ROBO1: variants seen among roughly 807,000 people sequenced by gnomAD.
The protein encoded by ROBO1 is roundabout homolog 1.
ROBO1 carries 149 observed loss-of-function variants against 195.9 expected under a neutral mutation model. That is an observed-to-expected ratio of 0.76 (90% CI 0.67 to 0.87). The LOEUF (loss-of-function observed/expected upper bound fraction) is 0.87, where lower values mean the gene tolerates loss of function less well. Among genes scored for constraint, ROBO1 ranks in the 40% least tolerant of loss-of-function variants. The pLI is 0.00. For missense variants in ROBO1, 1,933 were observed against 2,068.3 expected (o/e 0.93, Z 1.27); for synonymous variants, 816 against 733.2 (o/e 1.11, Z -1.82).
chr3:79,189,622 A>T (rs77425010), intron 2 of ROBO1, among the ~76,000 whole-genome samples: 2,220 of 151,844 alleles, frequency 0.015, 29 homozygotes, highest in Non-Finnish European at 0.023. Flanking sequence ...ATAAATCTGT[A>T]CTTTTGGTGT....
chr3:79,303,275 T>G lies in ROBO1; in HGVS notation c.89-177736A>C, dbSNP rs1375241585. ...TCCACCTCCTGGGTTCAAGTGATTC[T>G]CCTGCCTCAGCCTCCCAAGTAGCTA... On this transcript the variant is annotated intron_variant, in intron 2 of 30. Transcript: ENST00000464233. 2.7e-5 allele frequency among the ~76,000 whole-genome samples: 4 copies of G among 149,804 alleles called. No individual in the cohort carries two copies. In the East Asian group the frequency reaches 8.3e-4, roughly 31 times the overall value.
intron 8 of ROBO1, among the ~76,000 whole-genome samples, chr3:78,700,921 A>G (rs972429484): frequency 6.6e-5 from 10 of 151,808 alleles, no homozygotes; most frequent in Admixed American, 5.3e-4. Context: ...ACGCCACCAC[A>G]TCTGTCTAAT....
intron 27 of ROBO1, among the ~76,000 whole-genome samples, chr3:78,615,322 A>T (rs1429363645): frequency 6.6e-6 from 1 of 152,172 alleles, no homozygotes; most frequent in Non-Finnish European, 1.5e-5. Context: ...AGGTGGTCTG[A>T]AATTGATCTA....
chr3:79,133,942 C>T (rs1576716354), intron 2 of ROBO1, among the ~76,000 whole-genome samples: 1 of 151,980 alleles, frequency 6.6e-6, no homozygotes, highest in East Asian at 1.9e-4. Flanking sequence ...AATACCCTGC[C>T]GTGTGAGGTG....
At chr3:79,292,164 T>G (rs371519052) in intron 2 of ROBO1, among the ~76,000 whole-genome samples, 3 of 152,184 alleles carry the variant, frequency 2.0e-5, no homozygotes, top group African/African-American at 7.2e-5. Context: ...CACTCATGAT[T>G]TGGTTCTCTG....
chr3:79,164,060 G>A (rs115138206), intron 2 of ROBO1, among the ~76,000 whole-genome samples: 18 of 152,246 alleles, frequency 1.2e-4, no homozygotes, highest in Non-Finnish European at 2.4e-4. Flanking sequence ...GGAGATCACA[G>A]TGAAATCCTC....
At chr3:78,811,973 AGTAGGAACTATTTAATGTTACG>A (rs2084756720) in intron 4 of ROBO1, among the ~76,000 whole-genome samples, 1 of 152,102 alleles carries the variant, frequency 6.6e-6, no homozygotes. Context: ...GCTCATTCAC[AGTAGGAACTATTTAATGTTACG>A]GTGGAATCGT....
At chr3:78,878,102 C>G (rs1222921703) in intron 4 of ROBO1, among the ~76,000 whole-genome samples, 6 of 152,038 alleles carry the variant, frequency 3.9e-5, no homozygotes, top group Non-Finnish European at 8.8e-5. Context: ...AATGATAGTA[C>G]TTTAGGAATG....
intron 10 of ROBO1, among the ~76,000 whole-genome samples, chr3:78,679,363 T>C (rs545040579): frequency 1.3e-5 from 2 of 152,152 alleles, no homozygotes; most frequent in East Asian, 3.9e-4. Flanking sequence ...GGGTATTCAA[T>C]TAGGAAAAGA....
At chr3:78,713,069 G>T (rs2081804372) in intron 8 of ROBO1, among the ~76,000 whole-genome samples, 1 of 152,146 alleles carries the variant, frequency 6.6e-6, no homozygotes. Flanking sequence ...TATGCTTTCT[G>T]TAAATGTGAA....
At chr3:79,533,810 G>T (rs4998491) in intron 2 of ROBO1, among the ~76,000 whole-genome samples, 2 of 151,896 alleles carry the variant, frequency 1.3e-5, no homozygotes, top group African/African-American at 2.4e-5. Context: ...AAATCAATGT[G>T]TAATAGAGGC....
At chr3:79,590,069 T>C in intron 1 of ROBO1, 108 bp from the exon 2 acceptor site, 1 of 524,300 alleles carries the variant, frequency 1.9e-6, no homozygotes, top group South Asian at 3.1e-5. Context: ...TTTTTTGAAA[T>C]AATGAAACAA....
intron 2 of ROBO1, among the ~76,000 whole-genome samples, chr3:79,174,039 CTGTAAAA>C (rs1379471327): frequency 6.6e-6 from 1 of 152,196 alleles, no homozygotes; most frequent in East Asian, 1.9e-4. Context: ...ACTTGGCTGT[CTGTAAAA>C]TGGACCAATC....
At chr3:78,806,132 A>G (rs2084531385) in intron 4 of ROBO1, among the ~76,000 whole-genome samples, 4 of 151,818 alleles carry the variant, frequency 2.6e-5, no homozygotes, top group Admixed American at 2.6e-4. Context: ...GCTAATTTTT[A>G]GTTTTAAGTT....
intron 2 of ROBO1, among the ~76,000 whole-genome samples, chr3:79,530,755 C>CACA (rs1553759578): frequency 2.3e-5 from 3 of 128,130 alleles, no homozygotes; most frequent in Non-Finnish European, 4.9e-5. Flanking sequence ...CACCTTGTAA[C>CACA]CACACACACA....
intron 2 of ROBO1, among the ~76,000 whole-genome samples, chr3:79,457,007 T>C (rs886595766): frequency 6.6e-6 from 1 of 152,186 alleles, no homozygotes; most frequent in Non-Finnish European, 1.5e-5. Context: ...CAGCTTAAAA[T>C]ATTTGTACTC....
chr3:79,389,161 G>C (rs1038862046), intron 2 of ROBO1, among the ~76,000 whole-genome samples: 17 of 151,810 alleles, frequency 1.1e-4, no homozygotes, highest in African/African-American at 3.9e-4. Context: ...TAAAAATAAT[G>C]CTCAATAAAA....
chr3:79,230,368 T>G (rs1458462229), intron 2 of ROBO1, among the ~76,000 whole-genome samples: 1 of 152,148 alleles, frequency 6.6e-6, no homozygotes. Context: ...GGTCTCACCT[T>G]TTGTCTCTAG....
intron 4 of ROBO1, among the ~76,000 whole-genome samples, chr3:78,890,919 G>A (rs963599422): frequency 1.4e-4 from 21 of 152,000 alleles, no homozygotes; most frequent in African/African-American, 2.4e-4. Flanking sequence ...GTACCACCAC[G>A]CCCAACTAAT....
Sources: allele counts gnomAD v4.1 joint callset (sites outside exome capture counted in the v4.1 genomes callset), GRCh38; gene constraint gnomAD v4.1.1; transcripts MANE v1.5; gene names NCBI Gene and HGNC (gene_info 2026-07-23, HGNC 2026-07-21).